ABTB3: variants seen among roughly 807,000 people sequenced by gnomAD.
The protein encoded by ABTB3 is ankyrin repeat- and BTB/POZ domain-containing protein 3.
chr12:107,540,343 T>C, the ABTB3 span, among the ~76,000 whole-genome samples: 1 of 152,100 alleles, frequency 6.6e-6, no homozygotes, highest in East Asian at 1.9e-4. Context: ...TCCTGTGCCT[T>C]TTTGTTCTAT....
the ABTB3 span, among the ~76,000 whole-genome samples, chr12:107,396,140 C>G: frequency 2.6e-5 from 4 of 152,358 alleles, 1 homozygote; most frequent in African/African-American, 9.6e-5. Context: ...CCTTGTATTT[C>G]AAACCCTTTA....
the ABTB3 span, among the ~76,000 whole-genome samples, chr12:107,392,712 A>G: frequency 1.3e-5 from 2 of 152,202 alleles, no homozygotes; most frequent in Admixed American, 6.5e-5. Flanking sequence ...ATGAAAGCCC[A>G]TCTCCTCTAC....
At chr12:107,477,628 T>G in the ABTB3 span, among the ~76,000 whole-genome samples, 1 of 152,202 alleles carries the variant, frequency 6.6e-6, no homozygotes, top group African/African-American at 2.4e-5. Flanking sequence ...GCTAGTTTAT[T>G]CTATTGTATT....
chr12:107,422,140 G>C, the ABTB3 span, among the ~76,000 whole-genome samples: 1 of 152,204 alleles, frequency 6.6e-6, no homozygotes, highest in South Asian at 2.1e-4. Flanking sequence ...GGTAAAATTT[G>C]AGCAAAGAGA....
At chr12:107,406,140 G>A in the ABTB3 span, among the ~76,000 whole-genome samples, 14 of 152,270 alleles carry the variant, frequency 9.2e-5, no homozygotes, top group East Asian at 1.7e-3. Flanking sequence ...CTGGGCACAC[G>A]GTTGTGATAG....
chr12:107,651,859 A>G, the ABTB3 span: 4 of 1,298,026 alleles, frequency 3.1e-6, no homozygotes, highest in Non-Finnish European at 3.3e-6. Flanking sequence ...CTTGGCAAAC[A>G]CAGAGGCAGG....
the ABTB3 span, among the ~76,000 whole-genome samples, chr12:107,535,854 T>A: frequency 2.1e-4 from 32 of 152,114 alleles, no homozygotes; most frequent in African/African-American, 7.5e-4. Context: ...GTCAGTGCAA[T>A]CCTTATCAAA....
At chr12:107,492,055 C>T in the ABTB3 span, among the ~76,000 whole-genome samples, 41 of 151,944 alleles carry the variant, frequency 2.7e-4, no homozygotes, top group African/African-American at 9.2e-4. Flanking sequence ...GTGTGGAGAT[C>T]GTGTTGATTG....
the ABTB3 span, among the ~76,000 whole-genome samples, chr12:107,567,588 AGG>A: frequency 1.3e-5 from 2 of 152,208 alleles, no homozygotes; most frequent in African/African-American, 4.8e-5. Context: ...AGGCTACACC[AGG>A]GGTCCCCAAT....
the ABTB3 span, chr12:107,617,060 C>T: frequency 1.2e-6 from 2 of 1,606,914 alleles, no homozygotes; most frequent in Non-Finnish European, 1.7e-6. Flanking sequence ...TCTCCTCTCA[C>T]CGTCTCAATG....
At chr12:107,387,303 A>G in the ABTB3 span, among the ~76,000 whole-genome samples, 1 of 152,304 alleles carries the variant, frequency 6.6e-6, no homozygotes, top group Admixed American at 6.5e-5. Context: ...TAAATCCACT[A>G]TAAACATTCT....
the ABTB3 span, among the ~76,000 whole-genome samples, chr12:107,613,664 C>T: frequency 1.3e-4 from 20 of 152,276 alleles, no homozygotes; most frequent in African/African-American, 4.3e-4. Context: ...GGTCCCTCCA[C>T]CCACACCCCA....
chr12:107,373,297 A>C, the ABTB3 span, among the ~76,000 whole-genome samples: 3 of 152,136 alleles, frequency 2.0e-5, no homozygotes, highest in African/African-American at 7.2e-5. Context: ...ACACTTCCTC[A>C]AAGGCTGTTC....
At chr12:107,338,436 A>G in the ABTB3 span, among the ~76,000 whole-genome samples, 6 of 152,310 alleles carry the variant, frequency 3.9e-5, no homozygotes, top group African/African-American at 1.2e-4. Context: ...GGAAGGGTGA[A>G]GTATCTTGCC....
chr12:107,653,189 C>G, the ABTB3 span, among the ~76,000 whole-genome samples: 1 of 152,146 alleles, frequency 6.6e-6, no homozygotes, highest in South Asian at 2.1e-4. Context: ...TGACAGTGCA[C>G]GTGAATGACG....
chr12:107,371,238 G>A, the ABTB3 span, among the ~76,000 whole-genome samples: 1 of 152,124 alleles, frequency 6.6e-6, no homozygotes, highest in Non-Finnish European at 1.5e-5. Context: ...CCCATCTCTA[G>A]GTTGCTTCTG....
At chr12:107,561,213 AC>A in the ABTB3 span, among the ~76,000 whole-genome samples, 2 of 152,092 alleles carry the variant, frequency 1.3e-5, no homozygotes, top group African/African-American at 4.8e-5. Context: ...CACACCCCAG[AC>A]CCTGGGGCAG....
chr12:107,545,058 A>G, the ABTB3 span, among the ~76,000 whole-genome samples: 1 of 152,124 alleles, frequency 6.6e-6, no homozygotes, highest in African/African-American at 2.4e-5. Flanking sequence ...TTGGGCTCCT[A>G]CAGTTTTCCT....
chr12:107,391,213 A>G, the ABTB3 span, among the ~76,000 whole-genome samples: 3 of 152,228 alleles, frequency 2.0e-5, no homozygotes, highest in Non-Finnish European at 4.4e-5. Context: ...ATTGGGTGCC[A>G]TCAATATTGC....
Sources: allele counts gnomAD v4.1 joint callset (sites outside exome capture counted in the v4.1 genomes callset), GRCh38; gene constraint gnomAD v4.1.1; transcripts MANE v1.5; gene names NCBI Gene and HGNC (gene_info 2026-07-23, HGNC 2026-07-21).